MPHOSPH9: variants seen among roughly 807,000 people sequenced by gnomAD.
MPHOSPH9 encodes M-phase phosphoprotein 9.
In MPHOSPH9, 88 loss-of-function variants were observed where a neutral mutation model predicts 145.5. That is an observed-to-expected ratio of 0.60 (90% CI 0.51 to 0.72). The LOEUF (loss-of-function observed/expected upper bound fraction) is 0.72, where lower values mean the gene tolerates loss of function less well. Among genes scored for constraint, MPHOSPH9 ranks in the 30% least tolerant of loss-of-function variants. The probability of loss-of-function intolerance (pLI) is 0.00; values close to 1 mark genes in which losing one functional copy is unlikely to be tolerated. For synonymous variants in MPHOSPH9, 435 were observed against 486.2 expected (o/e 0.89, Z 1.39); for missense variants, 1,238 against 1,386.6 (o/e 0.89, Z 1.70).
intron 8 of MPHOSPH9, among the ~76,000 whole-genome samples, chr12:123,208,314 A>G (rs1159147854): frequency 6.6e-6 from 1 of 152,046 alleles, no homozygotes; most frequent in African/African-American, 2.4e-5. Context: ...CAAGGCAAGC[A>G]AATCACGAGG....
At chr12:123,216,295 T>C (rs2046957183) in intron 6 of MPHOSPH9, among the ~76,000 whole-genome samples, 1 of 152,140 alleles carries the variant, frequency 6.6e-6, no homozygotes. Flanking sequence ...AATGGTGATA[T>C]CAGGAAGCCT....
At chr12:123,185,879 A>G (rs1259596531) in intron 13 of MPHOSPH9, among the ~76,000 whole-genome samples, 2 of 152,186 alleles carry the variant, frequency 1.3e-5, no homozygotes, top group Non-Finnish European at 2.9e-5. Flanking sequence ...ATGTATTTAC[A>G]TATTAGTATT....
chr12:123,169,045 C>A (rs2851437), intron 16 of MPHOSPH9, among the ~76,000 whole-genome samples: 91,617 of 151,500 alleles, frequency 0.6, 31,981 homozygotes, highest in East Asian at 0.99. Context: ...CCACCACGCC[C>A]GGCTAATTTT....
chr12:123,162,979 T>G, intron 20 of MPHOSPH9, 35 bp downstream of exon 20: 2 of 1,519,434 alleles, frequency 1.3e-6, no homozygotes, highest in Non-Finnish European at 1.8e-6. Context: ...ATCACTAATA[T>G]AGTAAACTTT....
chr12:123,173,409 C>T (rs1220435632), intron 16 of MPHOSPH9, among the ~76,000 whole-genome samples: 2 of 152,164 alleles, frequency 1.3e-5, no homozygotes, highest in Non-Finnish European at 2.9e-5. Flanking sequence ...CTCCTGTCTT[C>T]CTTTTACCTT....
chr12:123,164,596 G>A (rs2044235166), intron 18 of MPHOSPH9, among the ~76,000 whole-genome samples: 1 of 152,198 alleles, frequency 6.6e-6, no homozygotes, highest in Admixed American at 6.5e-5. Context: ...AAGAGGAAAT[G>A]TTATATCTCA....
In MPHOSPH9 at chr12:123,233,114, G is replaced by T. The variant is rs1375799073; in HGVS notation, c.-198C>A. On this transcript the variant is annotated 5_prime_UTR_variant, in exon 1 of 24. Coordinates refer to ENST00000606320, the MANE Select transcript of MPHOSPH9 (RefSeq NM_022782.4). Reference sequence around the variant, plus strand: ...CGCTGCCGATGTCAGGGTCATGCAAGCGGCCTCTCGCGACCGTTACCCGAG... The same window carrying T: ...CGCTGCCGATGTCAGGGTCATGCAATCGGCCTCTCGCGACCGTTACCCGAG... The T allele has an allele frequency of 1.3e-5, 2 of 148,942 alleles. No individual in the cohort carries two copies. Among genetic ancestry groups the T allele is most frequent in the Admixed American group, 6.8e-5 (1 of 14,640 alleles). The allele number at this position is 148,942 out of a possible 1,614,324, so 9.2% of individuals were successfully genotyped here.
At chr12:123,199,182 T>C (rs2046106679) in intron 11 of MPHOSPH9, among the ~76,000 whole-genome samples, 1 of 152,074 alleles carries the variant, frequency 6.6e-6, no homozygotes, top group Non-Finnish European at 1.5e-5. Flanking sequence ...AGATGGGATC[T>C]CACTTTGTTG....
At chr12:123,242,965 T>C (rs2047965588) in intron 1 of MPHOSPH9, among the ~76,000 whole-genome samples, 1 of 152,232 alleles carries the variant, frequency 6.6e-6, no homozygotes, top group Non-Finnish European at 1.5e-5. Context: ...AATTTTGTTT[T>C]GTGGATTGAA....
At chr12:123,182,097 T>A (rs1368664897) in intron 13 of MPHOSPH9, among the ~76,000 whole-genome samples, 18 of 151,260 alleles carry the variant, frequency 1.2e-4, no homozygotes. Flanking sequence ...CACGCCACCA[T>A]GCCCGGCTAA....
At chr12:123,184,694 T>A (rs1165523465) in intron 13 of MPHOSPH9, among the ~76,000 whole-genome samples, 3 of 151,918 alleles carry the variant, frequency 2.0e-5, no homozygotes, top group Non-Finnish European at 4.4e-5. Flanking sequence ...GAGACGGGGT[T>A]TCACCATGTT....
intron 1 of MPHOSPH9, among the ~76,000 whole-genome samples, chr12:123,241,134 T>C (rs540337472): frequency 1.7e-4 from 26 of 150,732 alleles, no homozygotes; most frequent in Non-Finnish European, 2.8e-4. Context: ...GGCTTTTATT[T>C]GGGGTTGTTT....
chr12:123,169,498 T>TA (rs763030103), intron 16 of MPHOSPH9, among the ~76,000 whole-genome samples: 121 of 137,852 alleles, frequency 8.8e-4, no homozygotes, highest in South Asian at 1.2e-3. Flanking sequence ...GACTCCGTCT[T>TA]AAAAAAAAAA....
At chr12:123,169,295 A>G (rs371009237) in intron 16 of MPHOSPH9, among the ~76,000 whole-genome samples, 78 of 149,198 alleles carry the variant, frequency 5.2e-4, no homozygotes, top group African/African-American at 1.8e-3. Flanking sequence ...GGAGCTCGAG[A>G]CCACCCTGGC....
Position 123,202,693 on chromosome 12 carries a change from G to C in MPHOSPH9, c.1712C>G (p.Pro571Arg). ...ASASVSQSQLPGTANSVPECI... is the reference protein window; with the variant it reads ...ASASVSQSQLRGTANSVPECI... ...TTCTGGGACACTGTTGGCTGTACCTGGAAGCTGGGACTGACTGACTGAGGC... is the reference window on the plus strand; with the variant it reads ...TTCTGGGACACTGTTGGCTGTACCTCGAAGCTGGGACTGACTGACTGAGGC... The change falls in exon 10 of 24, where the codon CCA (proline) becomes CGA (arginine). Residue 571 changes from proline to arginine, a missense_variant. This residue lies in a region of MPHOSPH9 where 837 missense variants were observed against 897.5 expected (regional missense o/e 0.93). Transcript: ENST00000606320. The C allele has an allele frequency of 6.2e-7, 1 of 1,614,166 alleles. No individual in the cohort carries two copies. The highest frequency in any genetic ancestry group is 8.5e-7 in the Non-Finnish European group (1 of 1,180,030).
chr12:123,203,410 C>A, intron 8 of MPHOSPH9, 35 bp from the exon 9 acceptor site: 2 of 1,525,160 alleles, frequency 1.3e-6, no homozygotes, highest in Non-Finnish European at 1.8e-6. Context: ...ATGGTGTTAT[C>A]AATAATGAAA....
chr12:123,157,996 T>A (rs560858138), intron 23 of MPHOSPH9, among the ~76,000 whole-genome samples: 27 of 152,290 alleles, frequency 1.8e-4, no homozygotes, highest in South Asian at 2.1e-4. Flanking sequence ...ATTTTTTTTT[T>A]TTTGGTTGGG....
intron 19 of MPHOSPH9, 188 bp from the exon 20 acceptor site, chr12:123,163,322 A>T (rs2044185760): frequency 3.5e-6 from 2 of 576,092 alleles, no homozygotes; most frequent in Non-Finnish European, 5.7e-6. Context: ...TAACCACTGT[A>T]ACACTGTAGT....
intron 1 of MPHOSPH9, among the ~76,000 whole-genome samples, chr12:123,241,827 G>C (rs1205071160): frequency 6.6e-6 from 1 of 152,174 alleles, no homozygotes; most frequent in Non-Finnish European, 1.5e-5. Flanking sequence ...GTCTTGGTTT[G>C]AGTTGAATTT....
Sources: gnomAD v4.1 joint callset for allele counts (sites outside exome capture counted in the v4.1 genomes callset) on GRCh38, gnomAD v4.1.1 for gene constraint, gnomAD v4.1.1 regional missense constraint, MANE v1.5 for transcripts, NCBI Gene and HGNC (gene_info 2026-07-23, HGNC 2026-07-21) for gene names.